Variants in PDS5A observed in about 807,000 individuals in gnomAD.
PDS5A encodes the protein sister chromatid cohesion protein PDS5 homolog A.
In PDS5A, 42 loss-of-function variants were observed where a neutral mutation model predicts 167.1. That is an observed-to-expected ratio of 0.25 (90% CI 0.20 to 0.33). PDS5A has a LOEUF of 0.33. Among genes scored for constraint, PDS5A ranks in the 10% least tolerant of loss-of-function variants. PDS5A has a pLI of 1.00. For missense variants in PDS5A, 1,033 were observed against 1,605.9 expected, an observed-to-expected ratio of 0.64 and a Z score of 6.10; for synonymous variants, 553 against 554.6, an observed-to-expected ratio of 1.00 and a Z score of 0.04.
intron 32 of PDS5A, among the ~76,000 whole-genome samples, chr4:39,833,210 A>AAAAG (rs1716080882): frequency 1.4e-5 from 2 of 147,858 alleles, no homozygotes; most frequent in Non-Finnish European, 3.0e-5. Context: ...AAAAAAAAAA[A>AAAAG]AAAAAAGAAA....
At chr4:39,963,899 CAAAG>C (rs1275278237) in intron 2 of PDS5A, among the ~76,000 whole-genome samples, 1 of 151,910 alleles carries the variant, frequency 6.6e-6, no homozygotes, top group Non-Finnish European at 1.5e-5. Context: ...AAACAGAACA[CAAAG>C]AAATTAGCTT....
intron 1 of PDS5A, 106 bp from the exon 2 acceptor site, chr4:39,976,723 C>T (rs957802743): frequency 1.8e-6 from 1 of 548,828 alleles, no homozygotes; most frequent in Non-Finnish European, 3.0e-6. Context: ...CCCCAGAGGC[C>T]GGGGACCCGG....
chr4:39,855,403 A>G (rs1475572813), intron 26 of PDS5A, among the ~76,000 whole-genome samples: 1 of 152,228 alleles, frequency 6.6e-6, no homozygotes, highest in African/African-American at 2.4e-5. Flanking sequence ...TTATCACATT[A>G]TAGTACTTAA....
chr4:39,861,387 G>A (rs186201115), intron 26 of PDS5A, among the ~76,000 whole-genome samples: 1 of 152,246 alleles, frequency 6.6e-6, no homozygotes, highest in African/African-American at 2.4e-5. Flanking sequence ...GAACTAGGGA[G>A]GCAGATGTTG....
At chr4:39,936,041 C>T (rs1023759526) in intron 2 of PDS5A, among the ~76,000 whole-genome samples, 12 of 152,078 alleles carry the variant, frequency 7.9e-5, no homozygotes, top group Admixed American at 7.9e-4. Flanking sequence ...ATAAAAGGAA[C>T]CTGACAGAAG....
chr4:39,962,777 C>A (rs993992015), intron 2 of PDS5A, among the ~76,000 whole-genome samples: 1 of 152,010 alleles, frequency 6.6e-6, no homozygotes, highest in Non-Finnish European at 1.5e-5. Flanking sequence ...AGCCTGGCAA[C>A]AGAGCGAGAC....
intron 6 of PDS5A, among the ~76,000 whole-genome samples, chr4:39,922,377 A>C (rs1242098026): frequency 6.6e-6 from 1 of 152,202 alleles, no homozygotes; most frequent in Non-Finnish European, 1.5e-5. Context: ...TATTTGTGTG[A>C]ATACAAAACA....
intron 2 of PDS5A, among the ~76,000 whole-genome samples, chr4:39,974,732 C>G (rs1286538087): frequency 6.6e-6 from 1 of 151,958 alleles, no homozygotes; most frequent in African/African-American, 2.4e-5. Flanking sequence ...TAGTAGAACT[C>G]CAGACCTCGG....
At chr4:39,832,661 A>G (rs970500536) in intron 32 of PDS5A, among the ~76,000 whole-genome samples, 2 of 151,964 alleles carry the variant, frequency 1.3e-5, no homozygotes, top group Admixed American at 1.3e-4. Flanking sequence ...GGAGTTTGAG[A>G]CCAGCCTGGG....
chr4:39,929,519 C>T (rs1486324564), intron 2 of PDS5A, among the ~76,000 whole-genome samples: 1 of 79,398 alleles, frequency 1.3e-5, no homozygotes, highest in Non-Finnish European at 2.2e-5. Context: ...ACTTAATAAA[C>T]TATATATATA....
At position 39,881,528 on chromosome 4, in the gene PDS5A, A is replaced by G. The variant is rs899561654; in HGVS notation, c.1887-1695T>C. On this transcript the variant is annotated intron_variant, in intron 17 of 32. Coordinates refer to ENST00000303538, the MANE Select transcript of PDS5A (RefSeq NM_001100399.2). ...TAACATTAAAAAAACAAATTGCTGT[A>G]TATGTGTATAAACATTAACTTAAAG... Among the ~76,000 whole-genome samples, 7 of 152,156 alleles carry G rather than the reference A, an allele frequency of 4.6e-5. No homozygotes were observed. In the East Asian group the frequency reaches 7.7e-4, roughly 17 times the overall value.
At chr4:39,845,777 C>A (rs1178309509) in intron 29 of PDS5A, 41 bp downstream of exon 29, 2 of 1,364,624 alleles carry the variant, frequency 1.5e-6, no homozygotes, top group Non-Finnish European at 1.9e-6. Flanking sequence ...AAGCAAGATA[C>A]ACATGAAACA....
chr4:39,911,724 T>C lies in PDS5A; in HGVS notation c.993-1386A>G, dbSNP rs550843287. On this transcript the variant is annotated intron_variant, in intron 9 of 32. Transcript: ENST00000303538. ...GCGGGCGCCTGTAGTCCCAGCTGTT[T>C]GGGAGGCTGAGGCAGGAGAATGGCA... Among the ~76,000 whole-genome samples, 610 of 150,992 alleles carry C rather than the reference T, an allele frequency of 4.0e-3. 3 individuals are homozygous for C. In the Middle Eastern group the frequency reaches 0.041, roughly 10 times the overall value.
intron 9 of PDS5A, among the ~76,000 whole-genome samples, chr4:39,912,883 A>G (rs1314624722): frequency 6.6e-6 from 1 of 152,196 alleles, no homozygotes; most frequent in Non-Finnish European, 1.5e-5. Flanking sequence ...AAATCATACA[A>G]TTATACCAAA....
At chr4:39,858,531 T>C (rs1056576239) in intron 26 of PDS5A, among the ~76,000 whole-genome samples, 4 of 152,210 alleles carry the variant, frequency 2.6e-5, no homozygotes, top group Non-Finnish European at 4.4e-5. Context: ...AATCTGAATG[T>C]TTACCTTATA....
intron 8 of PDS5A, among the ~76,000 whole-genome samples, chr4:39,914,841 C>T (rs1378844240): frequency 6.6e-6 from 1 of 151,734 alleles, no homozygotes; most frequent in Non-Finnish European, 1.5e-5. Context: ...TAAAGCAATA[C>T]CAGATATCCA....
In PDS5A at chr4:39,866,971, C is replaced by T; in HGVS notation, c.2532G>A (p.Arg844=). The change falls in exon 23 of 33, where the codon AGG becomes AGA. Residue 844 remains arginine (R), a synonymous_variant. Transcript: ENST00000303538. ...AKVQAIKLLV[R]WLLGMKNNQS... is the part of the protein sequence containing the mutation. ...GGTTGTTTTTCATACCCAACAGCCA[C>T]CTTACCAGAAGTTTAATTGCCTGTA... 6.2e-7 allele frequency: 1 copy of T among 1,611,616 alleles called. No homozygotes were observed. Among genetic ancestry groups the T allele is most frequent in the Non-Finnish European group, 8.5e-7 (1 of 1,178,596 alleles).
intron 2 of PDS5A, among the ~76,000 whole-genome samples, chr4:39,946,121 C>T (rs1265296696): frequency 2.7e-5 from 4 of 150,298 alleles, no homozygotes; most frequent in East Asian, 1.9e-4. Context: ...GCAGGAGAAT[C>T]GCTTGAACCC....
At chr4:39,947,247 AG>A (rs1407882535) in intron 2 of PDS5A, among the ~76,000 whole-genome samples, 1 of 152,182 alleles carries the variant, frequency 6.6e-6, no homozygotes, top group African/African-American at 2.4e-5. Flanking sequence ...TGAGGTCAAG[AG>A]CTCAAGACCA....
Sources: allele counts gnomAD v4.1 joint callset (sites outside exome capture counted in the v4.1 genomes callset), GRCh38; gene constraint gnomAD v4.1.1; transcripts MANE v1.5; gene names NCBI Gene and HGNC (gene_info 2026-07-23, HGNC 2026-07-21).